The following GABRB1 variants were observed in gnomAD, a reference collection of about 807,000 sequenced individuals.
GABRB1 encodes the protein gamma-aminobutyric acid type A receptor subunit beta1.
In GABRB1, 17 loss-of-function variants were observed where a neutral mutation model predicts 51.6. That is an observed-to-expected ratio of 0.33 (90% CI 0.23 to 0.49). The LOEUF (loss-of-function observed/expected upper bound fraction) is 0.49, where lower values mean the gene tolerates loss of function less well. Ranked by LOEUF, GABRB1 falls within the 20% of genes least tolerant of loss-of-function variation. The probability of loss-of-function intolerance (pLI) is 0.99; values close to 1 mark genes in which losing one functional copy is unlikely to be tolerated. For missense variants in GABRB1, 410 were observed against 600.6 expected (o/e 0.68, Z 3.32); for synonymous variants, 247 against 218.9 (o/e 1.13, Z -1.14).
At chr4:47,123,566 ATT>A in intron 3 of GABRB1, among the ~76,000 whole-genome samples, 1 of 63,554 alleles carries the variant, frequency 1.6e-5, no homozygotes, top group Non-Finnish European at 2.6e-5. Context: ...ATTATAATAT[ATT>A]ACATTATTTC....
intron 8 of GABRB1, among the ~76,000 whole-genome samples, chr4:47,416,179 C>T (rs1401586433): frequency 1.3e-5 from 2 of 152,092 alleles, no homozygotes; most frequent in Admixed American, 6.6e-5. Context: ...ACAATGTGGG[C>T]AAGAAACAGC....
chr4:47,032,571 G>A (rs1191264464), intron 3 of GABRB1, 87 bp downstream of exon 3: 2 of 1,313,758 alleles, frequency 1.5e-6, no homozygotes, highest in African/African-American at 1.4e-5. Context: ...TTCATTGGCG[G>A]TCACCTCGCC....
chr4:47,160,038 C>G (rs1717869866), intron 3 of GABRB1, among the ~76,000 whole-genome samples: 1 of 151,996 alleles, frequency 6.6e-6, no homozygotes, highest in Non-Finnish European at 1.5e-5. Context: ...GGCAATTTTA[C>G]CTTGTATTAA....
chr4:47,276,774 T>C (rs1310377609), intron 4 of GABRB1, among the ~76,000 whole-genome samples: 2 of 152,162 alleles, frequency 1.3e-5, no homozygotes, highest in Non-Finnish European at 2.9e-5. Context: ...TCTATACGAC[T>C]ACCTGTACAT....
intron 4 of GABRB1, among the ~76,000 whole-genome samples, chr4:47,165,598 G>A (rs992798037): frequency 2.0e-5 from 3 of 152,008 alleles, no homozygotes; most frequent in Non-Finnish European, 2.9e-5. Context: ...AATTATTCTT[G>A]TTCTTCTGTC....
intron 4 of GABRB1, among the ~76,000 whole-genome samples, chr4:47,300,835 T>C (rs548970112): frequency 3.3e-5 from 5 of 152,156 alleles, no homozygotes; most frequent in East Asian, 3.9e-4. Flanking sequence ...AGATTCTTAA[T>C]TGATTTAAGC....
chr4:47,264,590 C>T (rs1434729874), intron 4 of GABRB1, among the ~76,000 whole-genome samples: 3 of 152,220 alleles, frequency 2.0e-5, no homozygotes, highest in Non-Finnish European at 4.4e-5. Flanking sequence ...GTCTCAAATG[C>T]AAACCATGAG....
At chr4:47,184,320 C>T (rs868156770) in intron 4 of GABRB1, among the ~76,000 whole-genome samples, 2 of 151,992 alleles carry the variant, frequency 1.3e-5, no homozygotes, top group African/African-American at 4.8e-5. Context: ...ACCAGATTAC[C>T]GAGGACAAAG....
At chr4:47,084,104 T>G (rs1338131249) in intron 3 of GABRB1, among the ~76,000 whole-genome samples, 3 of 152,234 alleles carry the variant, frequency 2.0e-5, no homozygotes, top group Admixed American at 2.0e-4. Context: ...TCAATATGAA[T>G]GTAAACCAGC....
At chr4:47,034,615 T>C (rs183637159) in intron 3 of GABRB1, among the ~76,000 whole-genome samples, 1 of 152,312 alleles carries the variant, frequency 6.6e-6, no homozygotes, top group East Asian at 1.9e-4. Context: ...CTTGATTTAC[T>C]TGTTCTTTCT....
At chr4:47,212,544 T>A (rs1396312771) in intron 4 of GABRB1, among the ~76,000 whole-genome samples, 1 of 152,082 alleles carries the variant, frequency 6.6e-6, no homozygotes, top group African/African-American at 2.4e-5. Context: ...GCAGGCATGG[T>A]GGCATGTGCC....
At chr4:47,006,522 C>T (rs1482060413) in intron 1 of GABRB1, among the ~76,000 whole-genome samples, 2 of 152,120 alleles carry the variant, frequency 1.3e-5, no homozygotes, top group Non-Finnish European at 2.9e-5. Flanking sequence ...AATCAAATTG[C>T]TTCACTTGCA....
chr4:47,005,243 C>A (rs568585800), intron 1 of GABRB1, among the ~76,000 whole-genome samples: 2 of 152,206 alleles, frequency 1.3e-5, no homozygotes, highest in African/African-American at 2.4e-5. Context: ...ACGGTGAAAC[C>A]CCGTCTCTAC....
At chr4:47,125,642 G>A (rs1292450506) in intron 3 of GABRB1, among the ~76,000 whole-genome samples, 12 of 130,468 alleles carry the variant, frequency 9.2e-5, no homozygotes, top group Non-Finnish European at 1.7e-4. Context: ...TGCAAGCTCC[G>A]CCTCCTGGGT....
At chr4:47,183,725 C>G (rs1435766854) in intron 4 of GABRB1, among the ~76,000 whole-genome samples, 1 of 151,820 alleles carries the variant, frequency 6.6e-6, no homozygotes, top group South Asian at 2.1e-4. Context: ...TGCCTTACAT[C>G]CACATGAACT....
At chr4:47,033,635 T>C (rs1329049957) in intron 3 of GABRB1, among the ~76,000 whole-genome samples, 1 of 152,158 alleles carries the variant, frequency 6.6e-6, no homozygotes, top group African/African-American at 2.4e-5. Context: ...ACTGTGTCGT[T>C]TTATTTTAAT....
intron 3 of GABRB1, among the ~76,000 whole-genome samples, chr4:47,085,614 A>G (rs539728562): frequency 3.5e-4 from 54 of 152,330 alleles, no homozygotes; most frequent in African/African-American, 1.3e-3. Flanking sequence ...CTTGTTTTTC[A>G]AGGAAAGGAA....
chr4:47,253,090 C>T (rs1722054898), intron 4 of GABRB1, among the ~76,000 whole-genome samples: 1 of 152,150 alleles, frequency 6.6e-6, no homozygotes, highest in African/African-American at 2.4e-5. Flanking sequence ...GGCTAAATAG[C>T]CTGCCCAATG....
chr4:47,406,904 A>C lies in GABRB1; in HGVS notation c.1058A>C (p.Lys353Thr). 1 of 1,614,022 alleles carries C rather than the reference A, an allele frequency of 6.2e-7. No homozygotes were observed. ...GACCAGAGTGCCAATGAGAAGAATAAACTGGAGATGAATAAAGTCCAGGTA... is the reference window on the plus strand; with the variant it reads ...GACCAGAGTGCCAATGAGAAGAATACACTGGAGATGAATAAAGTCCAGGTA... Reference protein sequence around the residue: ...KQDQSANEKNKLEMNKVQVDA... With the variant: ...KQDQSANEKNTLEMNKVQVDA... Residue 353 changes from lysine to threonine, a missense_variant, in exon 8 of 9, where the codon AAA becomes ACA. By Grantham distance (78) the Lys-to-Thr change is moderately conservative. Coordinates refer to ENST00000295454, the MANE Select transcript of GABRB1 (RefSeq NM_000812.4).
Sources: allele counts gnomAD v4.1 joint callset (sites outside exome capture counted in the v4.1 genomes callset), GRCh38; gene constraint gnomAD v4.1.1; transcripts MANE v1.5; gene names NCBI Gene and HGNC (gene_info 2026-07-23, HGNC 2026-07-21).